QTMAN: variants seen among roughly 807,000 people sequenced by gnomAD.
The protein encoded by QTMAN is tRNA-queuosine alpha-mannosyltransferase.
the QTMAN span, among the ~76,000 whole-genome samples, chr2:144,034,614 GA>G: frequency 8.0e-6 from 1 of 124,362 alleles, no homozygotes; most frequent in Non-Finnish European, 1.8e-5. Flanking sequence ...TATTCCATTT[GA>G]AAATGAAAAA....
At chr2:144,291,921 G>GA in the QTMAN span, among the ~76,000 whole-genome samples, 1 of 152,158 alleles carries the variant, frequency 6.6e-6, no homozygotes, top group African/African-American at 2.4e-5. Flanking sequence ...AAACATTCCT[G>GA]AAATTTAGCC....
At chr2:144,051,224 G>GTA in the QTMAN span, among the ~76,000 whole-genome samples, 1 of 152,012 alleles carries the variant, frequency 6.6e-6, no homozygotes, top group Non-Finnish European at 1.5e-5. Context: ...GTGTGTGTGT[G>GTA]TATGCACATA....
At chr2:144,198,678 T>C in the QTMAN span, among the ~76,000 whole-genome samples, 1 of 152,326 alleles carries the variant, frequency 6.6e-6, no homozygotes, top group Middle Eastern at 3.4e-3. Context: ...GTTTATGTGA[T>C]TTTGAATTGA....
At chr2:144,131,379 T>C in the QTMAN span, among the ~76,000 whole-genome samples, 2 of 151,944 alleles carry the variant, frequency 1.3e-5, no homozygotes, top group Non-Finnish European at 2.9e-5. Flanking sequence ...AGTTTATTTG[T>C]GTGCTTCCTC....
At chr2:144,061,966 C>T in the QTMAN span, among the ~76,000 whole-genome samples, 52 of 152,256 alleles carry the variant, frequency 3.4e-4, no homozygotes, top group African/African-American at 1.2e-3. Flanking sequence ...ATCCCCTCTC[C>T]AGCTTTCCAT....
the QTMAN span, chr2:143,957,359 G>T: frequency 2.6e-6 from 4 of 1,519,000 alleles, no homozygotes; most frequent in Non-Finnish European, 3.6e-6. Flanking sequence ...ACAAGAAAAA[G>T]ATATTCATCT....
At chr2:144,269,763 T>C in the QTMAN span, among the ~76,000 whole-genome samples, 2 of 152,152 alleles carry the variant, frequency 1.3e-5, no homozygotes, top group Admixed American at 6.5e-5. Flanking sequence ...GAAGCTCTAG[T>C]TTTAGTCCAG....
chr2:144,200,616 C>T, the QTMAN span, among the ~76,000 whole-genome samples: 2 of 152,214 alleles, frequency 1.3e-5, no homozygotes, highest in African/African-American at 4.8e-5. Flanking sequence ...AAAGGCTAGA[C>T]AAGCTTGTTC....
the QTMAN span, among the ~76,000 whole-genome samples, chr2:144,073,328 T>C: frequency 5.3e-5 from 8 of 151,704 alleles, no homozygotes; most frequent in Non-Finnish European, 2.9e-5. Context: ...CTGATTAACA[T>C]AGATTTGGCA....
At chr2:144,122,145 G>A in the QTMAN span, among the ~76,000 whole-genome samples, 1 of 152,108 alleles carries the variant, frequency 6.6e-6, no homozygotes, top group African/African-American at 2.4e-5. Flanking sequence ...AACAGAAATA[G>A]ATTCCATGTA....
chr2:144,194,226 T>C, the QTMAN span, among the ~76,000 whole-genome samples: 1 of 152,198 alleles, frequency 6.6e-6, no homozygotes, highest in Non-Finnish European at 1.5e-5. Context: ...TCCTGGAAGA[T>C]TATTATCTCA....
chr2:144,051,092 CATTT>C, the QTMAN span, among the ~76,000 whole-genome samples: 1 of 152,086 alleles, frequency 6.6e-6, no homozygotes, highest in Non-Finnish European at 1.5e-5. Context: ...TGAAAATACC[CATTT>C]ATTTCCTCAT....
chr2:144,315,112 C>T, the QTMAN span, among the ~76,000 whole-genome samples: 4 of 152,188 alleles, frequency 2.6e-5, no homozygotes, highest in African/African-American at 7.2e-5. Flanking sequence ...TCTCAAACTC[C>T]GACCTCAGGT....
the QTMAN span, among the ~76,000 whole-genome samples, chr2:144,227,505 T>C: frequency 2.6e-5 from 4 of 152,198 alleles, no homozygotes; most frequent in Non-Finnish European, 5.9e-5. Context: ...TTTATACCCA[T>C]AATATTAACA....
At chr2:144,041,013 GTTCATTCA>G in the QTMAN span, among the ~76,000 whole-genome samples, 12 of 152,072 alleles carry the variant, frequency 7.9e-5, no homozygotes, top group Non-Finnish European at 1.0e-4. Context: ...TTGTCAAATA[GTTCATTCA>G]TTCATTCATC....
the QTMAN span, among the ~76,000 whole-genome samples, chr2:144,239,429 T>C: frequency 6.6e-6 from 1 of 152,214 alleles, no homozygotes; most frequent in Non-Finnish European, 1.5e-5. Context: ...CCTCTTGTTT[T>C]GAATGTAAGG....
At chr2:144,183,789 G>T in the QTMAN span, among the ~76,000 whole-genome samples, 1 of 152,074 alleles carries the variant, frequency 6.6e-6, no homozygotes, top group Admixed American at 6.6e-5. Flanking sequence ...TTTTTAACAG[G>T]ATATCCTAAC....
the QTMAN span, among the ~76,000 whole-genome samples, chr2:144,083,551 G>A: frequency 1.3e-5 from 2 of 152,188 alleles, no homozygotes; most frequent in African/African-American, 2.4e-5. Context: ...ATAGAACAAA[G>A]CCTTAATTTT....
At chr2:144,177,967 C>T in the QTMAN span, among the ~76,000 whole-genome samples, 1 of 152,030 alleles carries the variant, frequency 6.6e-6, no homozygotes, top group Non-Finnish European at 1.5e-5. Flanking sequence ...TTCAGACTAG[C>T]CCCATTTCAA....
Sources: allele counts gnomAD v4.1 joint callset (sites outside exome capture counted in the v4.1 genomes callset), GRCh38; gene constraint gnomAD v4.1.1; transcripts MANE v1.5; gene names NCBI Gene and HGNC (gene_info 2026-07-23, HGNC 2026-07-21).